Variants in DLGAP4 observed in about 807,000 individuals in gnomAD.
DLGAP4 encodes the protein disks large-associated protein 4.
A neutral mutation model predicts 86.9 loss-of-function variants in DLGAP4; 18 were observed. The observed-to-expected ratio is 0.21, with a 90% CI of 0.14 to 0.31. The LOEUF (loss-of-function observed/expected upper bound fraction) is 0.31. DLGAP4 is among the 10% of genes least tolerant of loss of function. DLGAP4 has a pLI of 1.00. For synonymous variants in DLGAP4, 548 were observed against 574.3 expected (o/e 0.95, Z 0.65); for missense variants, 1,085 against 1,362.6 (o/e 0.80, Z 3.21).
At chr20:36,322,784 A>G (rs2065181416) in intron 1 of DLGAP4, among the ~76,000 whole-genome samples, 1 of 152,176 alleles carries the variant, frequency 6.6e-6, no homozygotes, top group South Asian at 2.1e-4. Flanking sequence ...GAGTTGTAGT[A>G]TAGCACGTGT....
At chr20:36,355,042 G>A (rs2030280474) in intron 1 of DLGAP4, among the ~76,000 whole-genome samples, 1 of 152,200 alleles carries the variant, frequency 6.6e-6, no homozygotes, top group African/African-American at 2.4e-5. Context: ...ACTATTTTAA[G>A]CATTCTCTTT....
intron 7 of DLGAP4, among the ~76,000 whole-genome samples, chr20:36,452,966 G>A (rs542146995): frequency 9.2e-5 from 14 of 151,378 alleles, no homozygotes; most frequent in Admixed American, 4.6e-4. Context: ...CCAAGTATCT[G>A]GGACTGCAGG....
intron 10 of DLGAP4, among the ~76,000 whole-genome samples, chr20:36,512,322 T>C (rs1310383796): frequency 6.6e-6 from 1 of 152,106 alleles, no homozygotes. Flanking sequence ...AGTGCTGGGA[T>C]TACAGGCGTG....
In DLGAP4 at chr20:36,419,407, G is replaced by A. The variant is rs575604115; in HGVS notation, c.-72-12239G>A. ...AGCCCAAAGTGCTGGGATTATAGGT[G>A]TGAGCCACTGTACTTGGCCCTCAGT... On this transcript the variant is annotated intron_variant, in intron 2 of 12. Coordinates refer to ENST00000339266, the MANE Select transcript of DLGAP4 (RefSeq NM_001365621.2). Among the ~76,000 whole-genome samples the A allele has an allele frequency of 5.3e-5, 8 of 152,294 alleles. No homozygotes were observed. In the South Asian group the frequency reaches 1.7e-3, roughly 32 times the overall value.
chr20:36,384,745 C>T (rs2031534216), intron 2 of DLGAP4, among the ~76,000 whole-genome samples: 1 of 152,112 alleles, frequency 6.6e-6, no homozygotes, highest in Admixed American at 6.5e-5. Context: ...CCTGCAAAGT[C>T]TGAGGTTTGA....
In DLGAP4 at chr20:36,345,392, A is replaced by G. The variant is rs572995319; in HGVS notation, c.-303-21653A>G. On this transcript the variant is annotated intron_variant, in intron 1 of 12. Coordinates refer to ENST00000339266, the MANE Select transcript of DLGAP4 (RefSeq NM_001365621.2). Reference sequence around the variant, plus strand: ...GGCCATTTGTTTGTGGTCATATCCCAGGGTCTGGTACACACTGTGGCAGAT... The same window carrying G: ...GGCCATTTGTTTGTGGTCATATCCCGGGGTCTGGTACACACTGTGGCAGAT... Among the ~76,000 whole-genome samples, 5 of 152,324 alleles carry G rather than the reference A, an allele frequency of 3.3e-5. 1 individual carries two copies. In the South Asian group the frequency reaches 1.0e-3, roughly 32 times the overall value.
chr20:36,518,948 C>G (rs191261710), intron 10 of DLGAP4, among the ~76,000 whole-genome samples: 3 of 152,056 alleles, frequency 2.0e-5, no homozygotes, highest in Non-Finnish European at 2.9e-5. Context: ...AAACCCCCAT[C>G]TCTACTAAAA....
intron 4 of DLGAP4, among the ~76,000 whole-genome samples, chr20:36,436,890 C>T (rs991055117): frequency 6.6e-6 from 1 of 152,176 alleles, no homozygotes; most frequent in African/African-American, 2.4e-5. Context: ...CTTTTCTCCC[C>T]ACTTCGGGTG....
intron 1 of DLGAP4, among the ~76,000 whole-genome samples, chr20:36,358,341 A>G (rs891817989): frequency 6.6e-6 from 1 of 151,996 alleles, no homozygotes; most frequent in African/African-American, 2.4e-5. Flanking sequence ...CCTCACTCTT[A>G]CGCTACTCTG....
chr20:36,312,392 C>T (rs1380195694), intron 1 of DLGAP4, among the ~76,000 whole-genome samples: 1 of 148,584 alleles, frequency 6.7e-6, no homozygotes, highest in Non-Finnish European at 1.5e-5. Context: ...CACACACACA[C>T]ACACACACAG....
intron 7 of DLGAP4, among the ~76,000 whole-genome samples, chr20:36,451,112 T>A (rs1325661837): frequency 6.6e-6 from 1 of 152,218 alleles, no homozygotes; most frequent in Non-Finnish European, 1.5e-5. Context: ...TCTTGAACGG[T>A]CTTACTCCCT....
intron 2 of DLGAP4, among the ~76,000 whole-genome samples, chr20:36,408,426 G>T (rs1403174477): frequency 6.6e-6 from 1 of 152,168 alleles, no homozygotes; most frequent in Non-Finnish European, 1.5e-5. Context: ...ATCCGTCATT[G>T]GTTGAGGGCT....
intron 2 of DLGAP4, among the ~76,000 whole-genome samples, chr20:36,416,735 T>TTC: frequency 6.6e-6 from 1 of 152,128 alleles, no homozygotes; most frequent in Non-Finnish European, 1.5e-5. Context: ...AAGGCTTGGC[T>TTC]AAGGATAGGG....
intron 2 of DLGAP4, among the ~76,000 whole-genome samples, chr20:36,389,189 AG>A (rs2031704941): frequency 6.6e-6 from 1 of 152,160 alleles, no homozygotes; most frequent in African/African-American, 2.4e-5. Context: ...GTTTGGGAGG[AG>A]GGAGGATTCC....
intron 3 of DLGAP4, among the ~76,000 whole-genome samples, chr20:36,433,859 G>T (rs938488867): frequency 2.6e-5 from 4 of 151,622 alleles, no homozygotes; most frequent in Admixed American, 6.6e-5. Flanking sequence ...TATCATGTTG[G>T]CCAGACTGGT....
At chr20:36,514,738 A>G (rs890098274) in intron 10 of DLGAP4, among the ~76,000 whole-genome samples, 2 of 152,048 alleles carry the variant, frequency 1.3e-5, no homozygotes, top group Non-Finnish European at 2.9e-5. Flanking sequence ...TAATGGAGCA[A>G]TATAAGCATG....
chr20:36,404,914 G>T (rs1360079207), intron 2 of DLGAP4, among the ~76,000 whole-genome samples: 1 of 152,234 alleles, frequency 6.6e-6, no homozygotes. Flanking sequence ...GCCTCCTGGA[G>T]GGAGGCAGCT....
Position 36,525,894 on chromosome 20 carries a change from G to T in DLGAP4, c.2648G>T (p.Gly883Val). 1.2e-6 allele frequency: 2 copies of T among 1,613,734 alleles called. No homozygotes were observed. The highest frequency in any genetic ancestry group is 1.3e-5 in the African/African-American group (1 of 74,898). The change falls in exon 12 of 13, where the codon GGG (glycine) becomes GTG (valine). Residue 883 changes from glycine (G) to valine (V), a missense_variant. Coordinates refer to ENST00000339266, the MANE Select transcript of DLGAP4 (RefSeq NM_001365621.2). Reference sequence around the variant, plus strand: ...CGCCCCACAGCCCAGGACCTGGCAGGGTTCTGGGACCTGCTACAGCTGTCC... The same window carrying T: ...CGCCCCACAGCCCAGGACCTGGCAGTGTTCTGGGACCTGCTACAGCTGTCC... ...NPRPTAQDLA[G>V]FWDLLQLSIE...
intron 7 of DLGAP4, among the ~76,000 whole-genome samples, chr20:36,495,328 G>A (rs1287455961): frequency 1.3e-5 from 2 of 152,180 alleles, no homozygotes; most frequent in Admixed American, 1.3e-4. Context: ...TTTGTCCACA[G>A]CTCCTGTGAT....
Sources: allele counts gnomAD v4.1 joint callset (sites outside exome capture counted in the v4.1 genomes callset), GRCh38; gene constraint gnomAD v4.1.1; transcripts MANE v1.5; gene names NCBI Gene and HGNC (gene_info 2026-07-23, HGNC 2026-07-21).